The following BLOC1S5 variants were observed in gnomAD, a reference collection of about 807,000 sequenced individuals.
BLOC1S5 encodes biogenesis of lysosome-related organelles complex 1 subunit 5.
BLOC1S5 carries 27 observed loss-of-function variants against 24.3 expected under a neutral mutation model. That is an observed-to-expected ratio of 1.11 (90% confidence interval 0.82 to 1.53). The LOEUF (loss-of-function observed/expected upper bound fraction) is 1.53. Among genes scored for constraint, BLOC1S5 ranks in the 40% most tolerant of loss-of-function variants. The pLI, the probability that BLOC1S5 is intolerant of heterozygous loss-of-function variation, is 0.00. For missense variants in BLOC1S5, 239 were observed against 229.4 expected, an observed-to-expected ratio of 1.04 and a Z score of -0.27; for synonymous variants, 84 against 74.5, an observed-to-expected ratio of 1.13 and a Z score of -0.66.
At chr6:8,034,296 G>C (rs1480909532) in intron 3 of BLOC1S5, among the ~76,000 whole-genome samples, 1 of 152,230 alleles carries the variant, frequency 6.6e-6, no homozygotes, top group African/African-American at 2.4e-5. Flanking sequence ...ATACTATGCA[G>C]CCATAAAAAA....
rs555630693 is a variant in BLOC1S5 at position 8,061,296 on chromosome 6, T to A, written c.195+1238A>T. On this transcript the variant is annotated intron_variant, in intron 2 of 4. Coordinates refer to ENST00000397457, the MANE Select transcript of BLOC1S5 (RefSeq NM_201280.3). Reference sequence around the variant, plus strand: ...CAAAAAGATAAAAAAGACTTAAAAATTTTTTTTAAATGATGACGATGTGGT... The same window carrying A: ...CAAAAAGATAAAAAAGACTTAAAAAATTTTTTTAAATGATGACGATGTGGT... Among the ~76,000 whole-genome samples the A allele has an allele frequency of 3.9e-4, 59 of 152,182 alleles. 2 individuals carry two copies. In the South Asian group the frequency reaches 0.011, roughly 29 times the overall value.
chr6:8,013,790 T>G lies in BLOC1S5; in HGVS notation c.*1859A>C, dbSNP rs1260469307. On this transcript the variant is annotated 3_prime_UTR_variant, in exon 5 of 5. Coordinates refer to ENST00000397457, the MANE Select transcript of BLOC1S5 (RefSeq NM_201280.3). ...TTTAAGGCTCCCCTCCCTTTTCATG[T>G]GTGGGATATTTTTGGAAGTATTTCT... is the stretch of plus-strand genomic sequence containing the variant. The G allele has an allele frequency of 2.0e-5, 3 of 152,210 alleles. No individual in the cohort carries two copies. The highest frequency in any genetic ancestry group is 7.2e-5 in the African/African-American group (3 of 41,462). The allele number at this position is 152,210 out of a possible 1,614,324, so 9.4% of individuals were successfully genotyped here.
intron 3 of BLOC1S5, among the ~76,000 whole-genome samples, chr6:8,032,331 T>C (rs992270737): frequency 4.6e-5 from 7 of 151,982 alleles, no homozygotes; most frequent in African/African-American, 1.7e-4. Flanking sequence ...AAAGAAGATA[T>C]ACAAATGGCC....
intron 3 of BLOC1S5, among the ~76,000 whole-genome samples, chr6:8,035,584 A>C (rs897195224): frequency 1.1e-4 from 16 of 152,174 alleles, no homozygotes; most frequent in African/African-American, 3.6e-4. Flanking sequence ...AGCAGGAGTA[A>C]CTATACTTAC....
At chr6:8,062,105 C>T (rs756092157) in intron 2 of BLOC1S5, among the ~76,000 whole-genome samples, 1 of 152,140 alleles carries the variant, frequency 6.6e-6, no homozygotes, top group Non-Finnish European at 1.5e-5. Context: ...GATGGGGTCA[C>T]TGAATGTGGA....
chr6:8,023,425 A>C (rs1186242713), intron 4 of BLOC1S5, among the ~76,000 whole-genome samples: 1 of 152,198 alleles, frequency 6.6e-6, no homozygotes, highest in African/African-American at 2.4e-5. Flanking sequence ...CCCCGTTTCT[A>C]CTAAAAACAC....
rs548540193 is a variant in BLOC1S5 at position 8,062,858 on chromosome 6, T to G, written c.113-242A>C. On this transcript the variant is annotated intron_variant, in intron 1 of 4. Coordinates refer to ENST00000397457, the MANE Select transcript of BLOC1S5 (RefSeq NM_201280.3). ...TACCTAGCATTTTCATGCCTAGGTATGTACCCTGGAAAACTCTTGCACAAA... is the reference window on the plus strand; with the variant it reads ...TACCTAGCATTTTCATGCCTAGGTAGGTACCCTGGAAAACTCTTGCACAAA... Among the ~76,000 whole-genome samples the G allele has an allele frequency of 3.3e-5, 5 of 152,306 alleles. No homozygotes were observed. In the South Asian group the frequency reaches 8.3e-4, roughly 25 times the overall value.
At chr6:8,042,105 A>C (rs1213458080) in intron 2 of BLOC1S5, among the ~76,000 whole-genome samples, 1 of 152,218 alleles carries the variant, frequency 6.6e-6, no homozygotes, top group Non-Finnish European at 1.5e-5. Flanking sequence ...CAAAAGTTGC[A>C]ATATGAGCAA....
chr6:8,063,969 G>C (rs1581442603), intron 1 of BLOC1S5, among the ~76,000 whole-genome samples: 1 of 152,228 alleles, frequency 6.6e-6, no homozygotes, highest in Admixed American at 6.5e-5. Flanking sequence ...TCGGTGGCGA[G>C]GCTGCCCAAA....
At chr6:8,058,357 G>GAAAAAAAAAAAA (rs60827828) in intron 2 of BLOC1S5, among the ~76,000 whole-genome samples, 2 of 84,550 alleles carry the variant, frequency 2.4e-5, no homozygotes, top group African/African-American at 3.5e-5. Flanking sequence ...CTGTCTCTAT[G>GAAAAAAAAAAAA]AAAAAAAAAA....
intron 4 of BLOC1S5, among the ~76,000 whole-genome samples, chr6:8,023,355 A>G (rs1762991471): frequency 3.3e-5 from 5 of 152,334 alleles, no homozygotes; most frequent in Admixed American, 3.3e-4. Context: ...AGAAATCCAC[A>G]AATTGTCTTG....
intron 3 of BLOC1S5, among the ~76,000 whole-genome samples, chr6:8,028,478 A>T (rs373797191): frequency 2.6e-4 from 39 of 151,662 alleles, no homozygotes; most frequent in African/African-American, 9.0e-4. Context: ...TTTTTCCCCC[A>T]CTGGCTCTGA....
intron 2 of BLOC1S5, among the ~76,000 whole-genome samples, chr6:8,060,086 A>G (rs1764462628): frequency 6.6e-6 from 1 of 152,252 alleles, no homozygotes; most frequent in South Asian, 2.1e-4. Context: ...GACTTAGAAA[A>G]TGAATACAGT....
At position 8,062,572 on chromosome 6, in the gene BLOC1S5, T is replaced by TA; in HGVS notation, c.156dup (p.Ile53TyrfsTer4). 1 of 1,601,492 alleles carries TA rather than the reference T, an allele frequency of 6.2e-7. No individual in the cohort carries two copies. Among genetic ancestry groups the TA allele is most frequent in the African/African-American group, 1.3e-5 (1 of 74,578 alleles). ...ACAAAATAACGAGTTTCACCTTGAA[T>TA]AACTGGTCTGTGATCCAAAAGCCTT... On this transcript the variant is annotated frameshift_variant, in exon 2 of 5. Coordinates refer to ENST00000397457, the MANE Select transcript of BLOC1S5 (RefSeq NM_201280.3). LOFTEE classifies it high-confidence loss of function.
intron 1 of BLOC1S5, among the ~76,000 whole-genome samples, chr6:8,063,883 G>A (rs1273319733): frequency 6.6e-6 from 1 of 152,204 alleles, no homozygotes; most frequent in East Asian, 1.9e-4. Flanking sequence ...AGTGAGTAAA[G>A]CCAGTGACCC....
At chr6:8,022,157 G>C (rs914973560) in intron 4 of BLOC1S5, among the ~76,000 whole-genome samples, 1 of 151,146 alleles carries the variant, frequency 6.6e-6, no homozygotes, top group Admixed American at 6.6e-5. Context: ...ATTTTCAATG[G>C]GGGGCAGGGG....
intron 1 of BLOC1S5, 36 bp from the exon 2 acceptor site, chr6:8,062,652 G>A (rs376904801): frequency 2.2e-6 from 3 of 1,371,732 alleles, no homozygotes; most frequent in African/African-American, 2.9e-5. Context: ...GTTAATCCAT[G>A]CTAAATGGCA....
At chr6:8,037,494 A>G (rs1014434109) in intron 3 of BLOC1S5, among the ~76,000 whole-genome samples, 1 of 152,232 alleles carries the variant, frequency 6.6e-6, no homozygotes, top group African/African-American at 2.4e-5. Flanking sequence ...AAAAATGGAA[A>G]GATATCCATG....
intron 3 of BLOC1S5, among the ~76,000 whole-genome samples, chr6:8,033,427 G>A (rs1763372561): frequency 6.6e-6 from 1 of 152,204 alleles, no homozygotes. Context: ...CTAGCCATAT[G>A]TAGGAAGCTG....
Sources: allele counts gnomAD v4.1 joint callset (sites outside exome capture counted in the v4.1 genomes callset), GRCh38; gene constraint gnomAD v4.1.1; transcripts MANE v1.5; gene names NCBI Gene and HGNC (gene_info 2026-07-23, HGNC 2026-07-21).